The following ST8SIA4 variants were observed in gnomAD, a reference collection of about 807,000 sequenced individuals.
ST8SIA4 encodes ST8 alpha-N-acetyl-neuraminide alpha-2,8-sialyltransferase 4, also known as CMP-N-acetylneuraminate-poly-alpha-2,8-sialyltransferase.
A neutral mutation model predicts 33.9 loss-of-function variants in ST8SIA4; 15 were observed. That is an observed-to-expected ratio of 0.44 (90% CI 0.30 to 0.68). ST8SIA4 has a LOEUF of 0.68. Among genes scored for constraint, ST8SIA4 ranks in the 30% least tolerant of loss-of-function variants. ST8SIA4 has a pLI of 0.10. For missense variants in ST8SIA4, 321 were observed against 428.0 expected (o/e 0.75, Z 2.21); for synonymous variants, 171 against 151.2 (o/e 1.13, Z -0.96).
chr5:100,830,824 A>T (rs1284137219), intron 4 of ST8SIA4, among the ~76,000 whole-genome samples: 1 of 152,236 alleles, frequency 6.6e-6, no homozygotes, highest in Non-Finnish European at 1.5e-5. Context: ...ACTAAAATTA[A>T]TTTTTAAAGG....
intron 3 of ST8SIA4, among the ~76,000 whole-genome samples, chr5:100,858,889 C>T (rs3776167): frequency 0.27 from 41,466 of 151,858 alleles, 5,965 homozygotes; most frequent in Non-Finnish European, 0.32. Context: ...AATAACAAGA[C>T]AGAAGACACT....
intron 3 of ST8SIA4, among the ~76,000 whole-genome samples, chr5:100,863,943 GC>G (rs993083232): frequency 1.3e-5 from 2 of 152,172 alleles, no homozygotes; most frequent in African/African-American, 4.8e-5. Context: ...CAGGAAAGGT[GC>G]TTTTAGTCAG....
chr5:100,878,477 G>A (rs188709494), intron 3 of ST8SIA4, among the ~76,000 whole-genome samples: 131 of 152,214 alleles, frequency 8.6e-4, no homozygotes, highest in Non-Finnish European at 1.3e-3. Context: ...GTGCTGGGCT[G>A]CAAAGTTTTT....
chr5:100,839,133 A>C (rs1751422641), intron 4 of ST8SIA4, among the ~76,000 whole-genome samples: 1 of 151,950 alleles, frequency 6.6e-6, no homozygotes, highest in Non-Finnish European at 1.5e-5. Flanking sequence ...CACCCATTTA[A>C]AAATTTTTCT....
At chr5:100,815,873 G>A (rs1466488019) in intron 4 of ST8SIA4, among the ~76,000 whole-genome samples, 3 of 152,108 alleles carry the variant, frequency 2.0e-5, no homozygotes, top group Non-Finnish European at 4.4e-5. Flanking sequence ...AAAAGAGACA[G>A]TAAAGGTAAA....
At chr5:100,814,961 G>T (rs1045924737) in intron 4 of ST8SIA4, among the ~76,000 whole-genome samples, 1 of 151,814 alleles carries the variant, frequency 6.6e-6, no homozygotes, top group African/African-American at 2.4e-5. Context: ...ATCAAAAATA[G>T]AATATTAACT....
Position 100,892,680 on chromosome 5 carries a change from A to C in ST8SIA4, c.245+2974T>G, listed in dbSNP as rs542559212. On this transcript the variant is annotated intron_variant, in intron 2 of 4. Coordinates refer to ENST00000231461, the MANE Select transcript of ST8SIA4 (RefSeq NM_005668.6). The stretch of plus-strand genomic sequence containing the variant: ...ATAATAAGAACATTATAAGTTTAAT[A>C]AGATTTTTAAATTTCAAAGATTTAT... Among the ~76,000 whole-genome samples, 11 of 152,304 alleles carry C rather than the reference A, an allele frequency of 7.2e-5. No individual in the cohort carries two copies. The South Asian group carries it at 1.2e-3, about 17-fold the overall frequency.
intron 3 of ST8SIA4, among the ~76,000 whole-genome samples, chr5:100,875,789 T>C (rs1428285048): frequency 6.6e-6 from 1 of 152,166 alleles, no homozygotes; most frequent in Non-Finnish European, 1.5e-5. Context: ...TCTCTTTAAA[T>C]GTTTACAAGA....
intron 3 of ST8SIA4, among the ~76,000 whole-genome samples, chr5:100,862,329 T>C (rs939304046): frequency 6.6e-6 from 1 of 152,188 alleles, no homozygotes; most frequent in Admixed American, 6.5e-5. Flanking sequence ...ATAATTCACA[T>C]AGAAGATAAG....
chr5:100,824,911 AAT>A (rs1471865941), intron 4 of ST8SIA4, among the ~76,000 whole-genome samples: 1 of 151,546 alleles, frequency 6.6e-6, no homozygotes, highest in Non-Finnish European at 1.5e-5. Context: ...AAAAAAAAAA[AAT>A]AGCCAGCAGT....
chr5:100,855,310 A>G (rs1434529738), intron 4 of ST8SIA4, among the ~76,000 whole-genome samples: 1 of 152,170 alleles, frequency 6.6e-6, no homozygotes, highest in East Asian at 1.9e-4. Context: ...ACCTCTGACA[A>G]CATATTCCCC....
intron 4 of ST8SIA4, among the ~76,000 whole-genome samples, chr5:100,817,109 ATTTTTTTTTTTT>A (rs57222657): frequency 2.0e-3 from 149 of 74,376 alleles, no homozygotes; most frequent in African/African-American, 5.2e-3. Flanking sequence ...CACCCAGCTA[ATTTTTTTTTTTT>A]TTTTTTTTTT....
intron 4 of ST8SIA4, chr5:100,849,526 A>G (rs1027512047): frequency 2.2e-5 from 20 of 905,770 alleles, no homozygotes; most frequent in African/African-American, 3.6e-5. Flanking sequence ...TCACGCCTGT[A>G]ATCCCCGCAC....
At chr5:100,885,438 A>G (rs1313878530) in intron 3 of ST8SIA4, 1 of 937,616 alleles carries the variant, frequency 1.1e-6, no homozygotes, top group Non-Finnish European at 1.3e-6. Flanking sequence ...ACTTTATTTA[A>G]AAATATTCAA....
At position 100,898,586 on chromosome 5, in the gene ST8SIA4, A is replaced by G. The variant is rs146539338; in HGVS notation, c.114-2801T>C. On this transcript the variant is annotated intron_variant, in intron 1 of 4. Coordinates refer to ENST00000231461, the MANE Select transcript of ST8SIA4 (RefSeq NM_005668.6). ...ATATCTACAACTAGTCACACTTTTT[A>G]TAGTCAGTGTGGGAGAAGGTCAAAC... 5.3e-3 allele frequency among the ~76,000 whole-genome samples: 802 copies of G among 152,322 alleles called. 42 individuals carry two copies. Among genetic ancestry groups the G allele is most frequent in the Admixed American group, 0.045 (687 of 15,296 alleles).
At position 100,811,450 on chromosome 5, in the gene ST8SIA4, A is replaced by T. The variant is rs1750815620; in HGVS notation, c.*397T>A. On this transcript the variant is annotated 3_prime_UTR_variant, in exon 5 of 5. Coordinates refer to ENST00000231461, the MANE Select transcript of ST8SIA4 (RefSeq NM_005668.6). ...GCTTCCATCTTGGCTTCTGCTGACA[A>T]GGATGGTTTAATTTCCCAAGGTCTG... The T allele has an allele frequency of 6.3e-6, 1 of 158,348 alleles. No individual in the cohort carries two copies. The highest frequency in any genetic ancestry group is 2.4e-5 in the African/African-American group (1 of 41,522). The allele number at this position is 158,348 out of a possible 1,614,324, so 9.8% of individuals were successfully genotyped here. A position where few individuals can be genotyped will look rare whatever the true frequency, so the allele number is the denominator to read the frequency against.
intron 4 of ST8SIA4, among the ~76,000 whole-genome samples, chr5:100,815,911 C>A (rs1003458555): frequency 2.0e-5 from 3 of 152,120 alleles, no homozygotes; most frequent in African/African-American, 7.2e-5. Flanking sequence ...ATATAATAAG[C>A]AATACTACTT....
chr5:100,821,112 A>G (rs1751023250), intron 4 of ST8SIA4, among the ~76,000 whole-genome samples: 1 of 152,172 alleles, frequency 6.6e-6, no homozygotes, highest in Non-Finnish European at 1.5e-5. Context: ...AAATTAGGTT[A>G]ACATTTAAGT....
intron 1 of ST8SIA4, among the ~76,000 whole-genome samples, chr5:100,899,704 C>T (rs1207007170): frequency 6.6e-6 from 1 of 152,166 alleles, no homozygotes; most frequent in Non-Finnish European, 1.5e-5. Context: ...TATATTATCT[C>T]ATTAAATGAG....
Sources: allele counts gnomAD v4.1 joint callset (sites outside exome capture counted in the v4.1 genomes callset), GRCh38; gene constraint gnomAD v4.1.1; transcripts MANE v1.5; gene names NCBI Gene and HGNC (gene_info 2026-07-23, HGNC 2026-07-21).